Variants in AUTS2 observed in about 807,000 individuals in gnomAD.
AUTS2 encodes autism susceptibility gene 2 protein.
Under a neutral mutation model 112.4 loss-of-function variants are expected in AUTS2, and 17 were observed. The observed-to-expected ratio is 0.15, with a 90% CI of 0.10 to 0.23. The LOEUF is 0.23. Among genes scored for constraint, AUTS2 ranks in the 10% least tolerant of loss-of-function variants. AUTS2 has a pLI of 1.00. For missense variants in AUTS2, 1,510 were observed against 1,701.6 expected, an observed-to-expected ratio of 0.89 and a Z score of 1.98; for synonymous variants, 751 against 702.7, an observed-to-expected ratio of 1.07 and a Z score of -1.09.
chr7:69,649,315 C>T (rs529965334), intron 1 of AUTS2, among the ~76,000 whole-genome samples: 2 of 152,330 alleles, frequency 1.3e-5, no homozygotes, highest in African/African-American at 2.4e-5. Flanking sequence ...ACTGCATTGG[C>T]TTTTGGTACA....
At chr7:70,197,294 G>T (rs981442476) in intron 4 of AUTS2, among the ~76,000 whole-genome samples, 1 of 151,744 alleles carries the variant, frequency 6.6e-6, no homozygotes, top group African/African-American at 2.4e-5. Flanking sequence ...CACCCATTTT[G>T]TACTTCTAAA....
chr7:70,670,818 T>G (rs2129543964), intron 5 of AUTS2, among the ~76,000 whole-genome samples: 1 of 152,250 alleles, frequency 6.6e-6, no homozygotes, highest in African/African-American at 2.4e-5. Context: ...TTTGACCTAT[T>G]TATGCCCAGG....
chr7:70,473,636 G>A (rs910916502), intron 5 of AUTS2, among the ~76,000 whole-genome samples: 1 of 152,090 alleles, frequency 6.6e-6, no homozygotes, highest in African/African-American at 2.4e-5. Flanking sequence ...CCACACAGAC[G>A]TAGCAGGCTT....
chr7:70,634,940 G>A (rs1281255550), intron 5 of AUTS2, among the ~76,000 whole-genome samples: 3 of 152,176 alleles, frequency 2.0e-5, no homozygotes, highest in Non-Finnish European at 4.4e-5. Context: ...GTCCTTGGTT[G>A]CTGGTCTCCT....
At chr7:70,258,805 G>A (rs188909894) in intron 4 of AUTS2, among the ~76,000 whole-genome samples, 97 of 152,296 alleles carry the variant, frequency 6.4e-4, no homozygotes, top group African/African-American at 2.2e-3. Flanking sequence ...ATCTAAGACA[G>A]AGGGACTCTA....
intron 2 of AUTS2, among the ~76,000 whole-genome samples, chr7:70,066,787 A>G (rs1006222923): frequency 1.3e-5 from 2 of 152,062 alleles, no homozygotes; most frequent in Non-Finnish European, 2.9e-5. Context: ...TGATCTGCCT[A>G]CCTCAGCCTC....
intron 4 of AUTS2, among the ~76,000 whole-genome samples, chr7:70,372,581 A>T (rs1375648925): frequency 6.6e-6 from 1 of 151,898 alleles, no homozygotes; most frequent in Non-Finnish European, 1.5e-5. Context: ...CATCCTCTCC[A>T]TCTGGCTAGC....
At position 70,175,264 on chromosome 7, in the gene AUTS2, T is replaced by C. The variant is rs74431845; in HGVS notation, c.660+40693T>C. Among the ~76,000 whole-genome samples, 442 of 152,346 alleles carry C rather than the reference T, an allele frequency of 2.9e-3. 5 individuals carry two copies. The highest frequency in any genetic ancestry group is 0.01 in the African/African-American group (428 of 41,570). On this transcript the variant is annotated intron_variant, in intron 4 of 18. Transcript: ENST00000342771. ...AGAATTGGGGCCTTGAAGGTGTTACTGAATTTCTGCAATCTCATCACCAAA... is the reference window on the plus strand; with the variant it reads ...AGAATTGGGGCCTTGAAGGTGTTACCGAATTTCTGCAATCTCATCACCAAA...
chr7:69,877,888 G>A (rs2129537060), intron 1 of AUTS2, among the ~76,000 whole-genome samples: 1 of 152,288 alleles, frequency 6.6e-6, no homozygotes, highest in Non-Finnish European at 1.5e-5. Context: ...AGAATGAGTT[G>A]TGTGCAGGAC....
intron 2 of AUTS2, among the ~76,000 whole-genome samples, chr7:69,954,113 A>G (rs1797128982): frequency 6.6e-6 from 1 of 152,190 alleles, no homozygotes; most frequent in African/African-American, 2.4e-5. Context: ...ATTATGAGAT[A>G]TATAAGTATA....
At chr7:70,467,424 A>G (rs1227674995) in intron 5 of AUTS2, among the ~76,000 whole-genome samples, 1 of 152,260 alleles carries the variant, frequency 6.6e-6, no homozygotes, top group Non-Finnish European at 1.5e-5. Flanking sequence ...TGATGGGATG[A>G]GACCTAGGAT....
intron 1 of AUTS2, among the ~76,000 whole-genome samples, chr7:69,634,952 G>A (rs1194768177): frequency 2.6e-5 from 4 of 151,834 alleles, no homozygotes; most frequent in Non-Finnish European, 5.9e-5. Context: ...AGGGCAAAAT[G>A]TTCTAAGTAA....
At chr7:69,853,518 C>G (rs1792583318) in intron 1 of AUTS2, among the ~76,000 whole-genome samples, 1 of 152,010 alleles carries the variant, frequency 6.6e-6, no homozygotes, top group Non-Finnish European at 1.5e-5. Flanking sequence ...TATCATTATA[C>G]TTGAAGTGAG....
At chr7:69,652,593 G>T (rs555210669) in intron 1 of AUTS2, among the ~76,000 whole-genome samples, 1 of 152,046 alleles carries the variant, frequency 6.6e-6, no homozygotes, top group African/African-American at 2.4e-5. Context: ...TTCTACAGGT[G>T]CAGTGACCAT....
chr7:69,911,095 A>T (rs1457487696), intron 2 of AUTS2, among the ~76,000 whole-genome samples: 2 of 152,240 alleles, frequency 1.3e-5, no homozygotes, highest in African/African-American at 4.8e-5. Context: ...GGCTACAGCC[A>T]AGCCATATCA....
At chr7:69,838,299 G>A (rs983470657) in intron 1 of AUTS2, among the ~76,000 whole-genome samples, 2 of 141,246 alleles carry the variant, frequency 1.4e-5, no homozygotes, top group Non-Finnish European at 3.2e-5. Context: ...GGCCTAAAGC[G>A]ATTGATGATG....
At chr7:70,131,855 TG>T (rs1389711976) in intron 3 of AUTS2, among the ~76,000 whole-genome samples, 1 of 151,944 alleles carries the variant, frequency 6.6e-6, no homozygotes, top group Non-Finnish European at 1.5e-5. Flanking sequence ...AATACTTTAA[TG>T]GTGGGGTCCT....
At chr7:70,656,911 G>A (rs1473981199) in intron 5 of AUTS2, among the ~76,000 whole-genome samples, 1 of 150,798 alleles carries the variant, frequency 6.6e-6, no homozygotes, top group Non-Finnish European at 1.5e-5. Context: ...AGGTGTATGG[G>A]TTTATGCTGG....
Position 70,792,487 on chromosome 7 carries a change from CAAAAAAAAA to C in AUTS2, c.*1503_*1511del, listed in dbSNP as rs374096884. The C allele has an allele frequency of 1.3e-5, 1 of 78,600 alleles. No individual in the cohort carries two copies. Among genetic ancestry groups the C allele is most frequent in the Non-Finnish European group, 2.8e-5 (1 of 36,112 alleles). The allele number at this position is 78,600 out of a possible 1,614,324, so 4.9% of individuals were successfully genotyped here. On this transcript the variant is annotated 3_prime_UTR_variant, in exon 19 of 19. Coordinates refer to ENST00000342771, the MANE Select transcript of AUTS2 (RefSeq NM_015570.4). ...ATCTGACGTTGTTATCCTGTTTTTGCAAAAAAAAAAAAAAAAAAAAGTTAACTACAGACC... is the reference window on the plus strand; with the variant it reads ...ATCTGACGTTGTTATCCTGTTTTTGCAAAAAAAAAAAGTTAACTACAGACC...
Sources: allele counts gnomAD v4.1 joint callset (sites outside exome capture counted in the v4.1 genomes callset), GRCh38; gene constraint gnomAD v4.1.1; transcripts MANE v1.5; gene names NCBI Gene and HGNC (gene_info 2026-07-23, HGNC 2026-07-21).